Variants in IL17RE observed in about 807,000 individuals in gnomAD.
IL17RE encodes the protein interleukin 17 receptor E.
IL17RE carries 47 observed loss-of-function variants against 70.7 expected under a neutral mutation model. That is an observed-to-expected ratio of 0.67 (90% CI 0.53 to 0.85). The LOEUF (loss-of-function observed/expected upper bound fraction) is 0.85, where lower values mean the gene tolerates loss of function less well. Among genes scored for constraint, IL17RE ranks in the 40% least tolerant of loss-of-function variants. IL17RE has a pLI of 0.00. For missense variants in IL17RE, 850 were observed against 893.9 expected, an observed-to-expected ratio of 0.95 and a Z score of 0.63; for synonymous variants, 372 against 381.2, an observed-to-expected ratio of 0.98 and a Z score of 0.28.
intron 8 of IL17RE, 125 bp from the exon 9 acceptor site, chr3:9,910,740 G>T: frequency 1.3e-6 from 1 of 744,026 alleles, no homozygotes; most frequent in South Asian, 1.8e-5. Context: ...TTTAGTACCT[G>T]TTCTGGCCAG....
Position 9,911,440 on chromosome 3 carries a change from C to G in IL17RE, c.1073-3C>G, listed in dbSNP as rs1411118903. The G allele has an allele frequency of 4.3e-6, 7 of 1,613,942 alleles. No homozygotes were observed. The highest frequency in any genetic ancestry group is 5.1e-6 in the Non-Finnish European group (6 of 1,179,924). Reference sequence around the variant, plus strand: ...ATCAACACCCCCACCCCGCCCCAAACAGGGTCTCTCACATCCTGGAATGTA... The same window carrying G: ...ATCAACACCCCCACCCCGCCCCAAAGAGGGTCTCTCACATCCTGGAATGTA... On this transcript the variant is annotated splice_polypyrimidine_tract_variant and splice_region_variant and intron_variant, in intron 11 of 15. Transcript: ENST00000383814.
At position 9,913,996 on chromosome 3, in the gene IL17RE, C is replaced by T; in HGVS notation, c.1268C>T (p.Pro423Leu). ...SSPVSLDLIIPFLRPGCCVLV... is the reference protein window; with the variant it reads ...SSPVSLDLIILFLRPGCCVLV... ...CCAGTGTCACTAGACCTCATCATTC[C>T]CTTCCTGAGGCCAGGGTGCTGTGTC... Residue 423 changes from proline to leucine, a missense_variant, in exon 13 of 16, where the codon CCC (proline) becomes CTC (leucine). Transcript: ENST00000383814. The T allele has an allele frequency of 6.2e-7, 1 of 1,614,088 alleles. No homozygotes were observed. Among genetic ancestry groups the T allele is most frequent in the Non-Finnish European group, 8.5e-7 (1 of 1,179,934 alleles).
upstream of IL17RE, chr3:9,902,666 C>T: frequency 2.6e-6 from 4 of 1,536,084 alleles, no homozygotes; most frequent in Non-Finnish European, 3.5e-6. Context: ...TACTTCTCAC[C>T]CACAGCAGGA....
At chr3:9,903,458 T>G (rs199804709) in intron 2 of IL17RE, 46 bp downstream of exon 2, 62 of 1,606,542 alleles carry the variant, frequency 3.9e-5, no homozygotes, top group Non-Finnish European at 4.7e-5. Flanking sequence ...CGCCCACTAT[T>G]TTTGCAGATG....
chr3:9,915,976 G>C lies in IL17RE; in HGVS notation c.*169G>C. ...CCGGAAGTCCCAGCCCAGTCCCCGC[G>C]CGCGTCCCTCTTCCTCCTCATACTT... On this transcript the variant is annotated 3_prime_UTR_variant, in exon 16 of 16. Transcript: ENST00000383814. This position sits in a 1 kb window ranked among gnomAD's most constrained non-coding sequence, Gnocchi z 4.9. 8 of 1,218,150 alleles carry C rather than the reference G, an allele frequency of 6.6e-6. No homozygotes were observed. The South Asian group carries it at 1.0e-4, about 16-fold the overall frequency. The allele number at this position is 1,218,150 out of a possible 1,614,324, so 75.5% of individuals were successfully genotyped here. A position where few individuals can be genotyped will look rare whatever the true frequency, so the allele number is the denominator to read the frequency against.
chr3:9,909,384 C>T, intron 8 of IL17RE, 101 bp downstream of exon 8: 1 of 1,062,054 alleles, frequency 9.4e-7, no homozygotes, highest in South Asian at 1.4e-5. Flanking sequence ...CCCCGCACTT[C>T]ACACATGTGC....
rs1420079488 is a variant in IL17RE at position 9,906,829 on chromosome 3, G to A, written c.490G>A (p.Glu164Lys). Residue 164 changes from glutamate (E) to lysine (K), a missense_variant, in exon 5 of 16, where the codon GAA becomes AAA. Coordinates refer to ENST00000383814, the MANE Select transcript of IL17RE (RefSeq NM_153480.2). ...CCAACCTTCGGATCCAGAGACATGG[G>A]AAAGTCTTCCCAGATTGGACTCACA... The part of the protein sequence containing the change: ...RTQPSDPETW[E>K]SLPRLDSQRH... 2.5e-6 allele frequency: 4 copies of A among 1,614,184 alleles called. No homozygotes were observed. Among genetic ancestry groups the A allele is most frequent in the Non-Finnish European group, 2.5e-6 (3 of 1,180,036 alleles).
At chr3:9,912,030 A>T (rs2082906499) in intron 12 of IL17RE, among the ~76,000 whole-genome samples, 1 of 152,108 alleles carries the variant, frequency 6.6e-6, no homozygotes, top group South Asian at 2.1e-4. Flanking sequence ...GGTTTGTGAG[A>T]AACGAGGCCA....
chr3:9,915,125 G>A lies in IL17RE; in HGVS notation c.1448-126G>A. The A allele has an allele frequency of 7.9e-7, 1 of 1,268,112 alleles. No individual in the cohort carries two copies. The highest frequency in any genetic ancestry group is 1.0e-6 in the Non-Finnish European group (1 of 991,824). 78.6% of individuals were successfully genotyped at this position (1,268,112 alleles called of 1,614,324 possible). ...GGGCTGTTTTCGGTACCAACCCCCA[G>A]AGCAAATAAGGGGCGGGGGCGGGGG... On this transcript the variant is annotated intron_variant, in intron 15 of 15. Coordinates refer to ENST00000383814, the MANE Select transcript of IL17RE (RefSeq NM_153480.2). The surrounding 1 kb of genome is among the most constrained non-coding windows in gnomAD (Gnocchi z 4.9).
intron 2 of IL17RE, 81 bp from the exon 3 acceptor site, chr3:9,903,951 C>T: frequency 6.5e-7 from 1 of 1,545,480 alleles, no homozygotes; most frequent in Non-Finnish European, 8.9e-7. Flanking sequence ...TGTGACAGAG[C>T]TTGGCCTCAA....
intron 8 of IL17RE, 23 bp from the exon 9 acceptor site, chr3:9,910,842 C>T (rs1217383346): frequency 1.9e-6 from 3 of 1,608,100 alleles, no homozygotes; most frequent in Admixed American, 1.7e-5. Flanking sequence ...GACCCTCACC[C>T]ACTGACCCTG....
chr3:9,911,228 C>T (rs1294177473), intron 10 of IL17RE, 27 bp from the exon 11 acceptor site: 1 of 1,614,074 alleles, frequency 6.2e-7, no homozygotes, highest in Non-Finnish European at 8.5e-7. Context: ...CTGGAGCTTG[C>T]TAATCTGCCA....
chr3:9,903,451 C>G, intron 2 of IL17RE, 39 bp downstream of exon 2: 1 of 1,612,554 alleles, frequency 6.2e-7, no homozygotes, highest in Non-Finnish European at 8.5e-7. Context: ...CTCCCCACGC[C>G]CACTATTTTT....
In IL17RE at chr3:9,911,580, G is replaced by GT; in HGVS notation, c.1211dup (p.Tyr405ValfsTer106). On this transcript the variant is annotated frameshift_variant, in exon 12 of 16. Transcript: ENST00000383814. LOFTEE classifies it high-confidence loss of function. ...GGGGCAGGACACTTTGGTGCCCCCC[G>GT]TGTACACTGTCAGCCAGGTATGGCC... is the stretch of plus-strand genomic sequence containing the variant. The GT allele has an allele frequency of 1.2e-6, 2 of 1,613,174 alleles. No homozygotes were observed. Among genetic ancestry groups the GT allele is most frequent in the Non-Finnish European group, 1.7e-6 (2 of 1,179,250 alleles).
chr3:9,908,175 C>T lies in IL17RE; in HGVS notation c.667-64C>T. 4 of 1,379,858 alleles carry T rather than the reference C, an allele frequency of 2.9e-6. No individual in the cohort carries two copies. In the South Asian group the frequency reaches 3.5e-5, roughly 12 times the overall value. 85.5% of individuals were successfully genotyped at this position (1,379,858 alleles called of 1,614,324 possible). On this transcript the variant is annotated intron_variant, in intron 6 of 15. Coordinates refer to ENST00000383814, the MANE Select transcript of IL17RE (RefSeq NM_153480.2). ...GCCAAGATCCCAGCACTGTTCTGCC[C>T]TTGTCTATGTGCCCATGCTCTTTCT...
rs201241474 is a variant in IL17RE, at chr3:9,902,986, C to T, written c.54C>T (p.Ile18=). The T allele has an allele frequency of 6.0e-5, 97 of 1,614,078 alleles. No homozygotes were observed. The highest frequency in any genetic ancestry group is 7.1e-5 in the Non-Finnish European group (84 of 1,179,992). Residue 18 remains isoleucine (I), a synonymous_variant, in exon 1 of 16, where the codon ATC becomes ATT. Coordinates refer to ENST00000383814, the MANE Select transcript of IL17RE (RefSeq NM_153480.2). ...TCCTGCCTCTCCTCCTCATAGTCATCGACCTCTCTGACTCTGCTGGGATTG... is the reference window on the plus strand; with the variant it reads ...TCCTGCCTCTCCTCCTCATAGTCATTGACCTCTCTGACTCTGCTGGGATTG... The part of the protein sequence containing the change: ...ALLLPLLLIV[I]DLSDSAGIGF...
chr3:9,911,709 T>C, intron 12 of IL17RE, 112 bp downstream of exon 12: 2 of 1,041,540 alleles, frequency 1.9e-6, no homozygotes, highest in East Asian at 4.8e-5. Flanking sequence ...CCCTGACTTT[T>C]ACCATCTGGT....
In IL17RE at chr3:9,915,503, T is replaced by A; in HGVS notation, c.1700T>A (p.Val567Asp). 20 of 1,313,162 alleles carry A rather than the reference T, an allele frequency of 1.5e-5. No homozygotes were observed. The highest frequency in any genetic ancestry group is 1.9e-5 in the Non-Finnish European group (20 of 1,040,222). 81.3% of individuals were successfully genotyped at this position (1,313,162 alleles called of 1,614,324 possible). Residue 567 changes from valine to aspartate, a missense_variant, in exon 16 of 16, where the codon GTC becomes GAC. Val to Asp is a radical substitution (Grantham distance 152). Coordinates refer to ENST00000383814, the MANE Select transcript of IL17RE (RefSeq NM_153480.2). This position sits in a 1 kb window ranked among gnomAD's most constrained non-coding sequence, Gnocchi z 4.9. ...LLWSGADLRP[V>D]SGPDPRAAPL... is the part of the protein sequence containing the mutation. ...TGGAGCGGCGCCGACCTTCGCCCGG[T>A]CAGCGGCCCCGACCCCCGCGCCGCG...
intron 8 of IL17RE, 68 bp downstream of exon 8, chr3:9,909,351 A>T (rs762191680): frequency 9.5e-6 from 12 of 1,256,620 alleles, no homozygotes; most frequent in Non-Finnish European, 1.3e-5. Context: ...CTACACACAC[A>T]TGTACACACA....
Sources: gnomAD v4.1 joint callset for allele counts (sites outside exome capture counted in the v4.1 genomes callset) on GRCh38, gnomAD v4.1.1 for gene constraint, Gnocchi (gnomAD v3.1) non-coding constraint, MANE v1.5 for transcripts, NCBI Gene and HGNC (gene_info 2026-07-23, HGNC 2026-07-21) for gene names.